The following KCNQ1OT1 variants were observed in gnomAD, a reference collection of about 807,000 sequenced individuals.
KCNQ1OT1 encodes KCNQ1 opposite strand/antisense transcript 1.
At chr11:2,667,689 G>A (rs1850105479) in exon 1 of KCNQ1OT1, 12 of 398,740 alleles carry the variant, frequency 3.0e-5, no homozygotes, top group Middle Eastern at 6.3e-4. Flanking sequence ...GAAGCACGGA[G>A]GTGACCTAGT....
exon 1 of KCNQ1OT1, chr11:2,675,726 C>T (rs1047661753): frequency 2.5e-6 from 1 of 398,688 alleles, no homozygotes; most frequent in Admixed American, 4.4e-5. Flanking sequence ...TGGAGCAGCC[C>T]CTGCTCCACA....
chr11:2,655,847 G>C, exon 1 of KCNQ1OT1: 1 of 398,630 alleles, frequency 2.5e-6, no homozygotes. Flanking sequence ...CTCTCCTCTT[G>C]AATTGGAAAA....
chr11:2,696,869 A>C (rs1850685709), exon 1 of KCNQ1OT1: 1 of 398,544 alleles, frequency 2.5e-6, no homozygotes, highest in Admixed American at 4.4e-5. Context: ...ATTGGCATAA[A>C]GAAATGTGGT....
chr11:2,658,050 A>G lies in KCNQ1OT1; in HGVS notation n.41945T>C, dbSNP rs1031063322. The G allele has an allele frequency of 2.5e-6, 1 of 398,616 alleles. No individual in the cohort carries two copies. The highest frequency in any genetic ancestry group is 4.4e-6 in the Non-Finnish European group (1 of 226,054). The allele number at this position is 398,616 out of a possible 1,614,324, so 24.7% of individuals were successfully genotyped here. A position where few individuals can be genotyped will look rare whatever the true frequency, so the allele number is the denominator to read the frequency against. ...AGTCTTTAGAAGCGAGTCACTAAGTATAGCCCACACTCAAGGTGGGGAAGG... is the reference window on the plus strand; with the variant it reads ...AGTCTTTAGAAGCGAGTCACTAAGTGTAGCCCACACTCAAGGTGGGGAAGG... On this transcript the variant is annotated non_coding_transcript_exon_variant, in exon 1 of 1. Coordinates refer to ENST00000597346, the Ensembl canonical transcript of KCNQ1OT1. This position sits in a 1 kb window ranked among gnomAD's most constrained non-coding sequence, Gnocchi z 4.9.
exon 1 of KCNQ1OT1, chr11:2,696,444 C>CT: frequency 2.5e-6 from 1 of 398,704 alleles, no homozygotes; most frequent in Non-Finnish European, 4.4e-6. Context: ...TTCTGGGCCT[C>CT]TGTCACCACA....
exon 1 of KCNQ1OT1, chr11:2,644,363 T>C (rs1849632983): frequency 5.0e-6 from 2 of 398,412 alleles, no homozygotes; most frequent in Non-Finnish European, 8.8e-6. Context: ...TGGTCTGTTA[T>C]TGAAGCTTTC....
At chr11:2,680,815 T>C (rs1590028191) in exon 1 of KCNQ1OT1, 3 of 228,442 alleles carry the variant, frequency 1.3e-5, no homozygotes, top group Non-Finnish European at 2.5e-5. Flanking sequence ...TGGAACCACA[T>C]AGCAAATCAC....
chr11:2,648,981 C>CTTTTTTTTTTTTTTTTTTTTTTTTTTTCT, exon 1 of KCNQ1OT1: 1 of 213,306 alleles, frequency 4.7e-6, no homozygotes, highest in African/African-American at 4.4e-5. Context: ...TTTTCTTTTT[C>CTTTTTTTTTTTTTTTTTTTTTTTTTTTCT]TTTTTTTTTT....
chr11:2,666,267 G>A (rs1850065364), exon 1 of KCNQ1OT1: 2 of 398,602 alleles, frequency 5.0e-6, no homozygotes, highest in East Asian at 7.1e-5. Context: ...GGACCCCCGA[G>A]GCTGGGCAGA....
chr11:2,613,975 C>T lies in KCNQ1OT1; in HGVS notation n.86020G>A. Reference sequence around the variant, plus strand: ...ACAACATCTCCTAGAAATCACTCAACATCCATTCACAGAGATCTTTCTCAT... The same window carrying T: ...ACAACATCTCCTAGAAATCACTCAATATCCATTCACAGAGATCTTTCTCAT... On this transcript the variant is annotated non_coding_transcript_exon_variant, in exon 1 of 1. Coordinates refer to ENST00000597346, the Ensembl canonical transcript of KCNQ1OT1. The surrounding 1 kb of genome is among the most constrained non-coding windows in gnomAD (Gnocchi z 4.8). The T allele has an allele frequency of 2.5e-6, 1 of 398,638 alleles. No homozygotes were observed. Among genetic ancestry groups the T allele is most frequent in the Non-Finnish European group, 4.4e-6 (1 of 226,072 alleles). The allele number at this position is 398,638 out of a possible 1,614,324, so 24.7% of individuals were successfully genotyped here.
chr11:2,692,802 T>G (rs12275726), exon 1 of KCNQ1OT1: 17 of 398,694 alleles, frequency 4.3e-5, no homozygotes, highest in African/African-American at 3.1e-4. Flanking sequence ...CTTGAATGAC[T>G]GCATCCCTAA....
Position 2,682,669 on chromosome 11 carries a change from A to G in KCNQ1OT1, n.17326T>C. The G allele has an allele frequency of 2.5e-6, 1 of 398,548 alleles. No individual in the cohort carries two copies. Among genetic ancestry groups the G allele is most frequent in the Non-Finnish European group, 4.4e-6 (1 of 226,080 alleles). 24.7% of individuals were successfully genotyped at this position (398,548 alleles called of 1,614,324 possible). A position where few individuals can be genotyped will look rare whatever the true frequency, so the allele number is the denominator to read the frequency against. ...TCCCCAGGGCTCATGTCCACATGCT[A>G]TTGTCCATAGAAGCTGGGGTCCAAA... On this transcript the variant is annotated non_coding_transcript_exon_variant, in exon 1 of 1. Coordinates refer to ENST00000597346, the Ensembl canonical transcript of KCNQ1OT1. The surrounding 1 kb of genome is among the most constrained non-coding windows in gnomAD (Gnocchi z 5.8).
chr11:2,662,912 G>A, exon 1 of KCNQ1OT1: 1 of 398,712 alleles, frequency 2.5e-6, no homozygotes, highest in Non-Finnish European at 4.4e-6. Context: ...GGGGTCAGGA[G>A]GTTGTCCTGA....
chr11:2,618,336 T>TC, exon 1 of KCNQ1OT1: 1 of 398,592 alleles, frequency 2.5e-6, no homozygotes, highest in Non-Finnish European at 4.4e-6. Flanking sequence ...TTCAATGTTT[T>TC]AACAAAGTTT....
In KCNQ1OT1 at chr11:2,690,756, A is replaced by C; in HGVS notation, n.9239T>G. The C allele has an allele frequency of 2.5e-6, 1 of 398,638 alleles. No homozygotes were observed. The highest frequency in any genetic ancestry group is 4.4e-6 in the Non-Finnish European group (1 of 226,086). 24.7% of individuals were successfully genotyped at this position (398,638 alleles called of 1,614,324 possible). ...GATGGAGTATGATCCCAAATCCCTT[A>C]GGTGGATGTGGCCTGGCAGGGGGTC... On this transcript the variant is annotated non_coding_transcript_exon_variant, in exon 1 of 1. Transcript: ENST00000597346. This position sits in a 1 kb window ranked among gnomAD's most constrained non-coding sequence, Gnocchi z 5.1.
exon 1 of KCNQ1OT1, chr11:2,615,398 T>C: frequency 2.5e-6 from 1 of 398,108 alleles, no homozygotes; most frequent in Admixed American, 4.4e-5. Flanking sequence ...TGTTTGTTTA[T>C]TTATCTGCCT....
chr11:2,655,707 C>G, exon 1 of KCNQ1OT1: 1 of 395,868 alleles, frequency 2.5e-6, no homozygotes, highest in South Asian at 1.3e-4. Flanking sequence ...CCTCCATGCT[C>G]TCCTAGATGC....
chr11:2,618,315 A>G (rs1052699475), exon 1 of KCNQ1OT1: 1 of 398,500 alleles, frequency 2.5e-6, no homozygotes, highest in Non-Finnish European at 4.4e-6. Context: ...GGCTAAAAAA[A>G]TGCAAAAAAA....
chr11:2,698,299 C>T lies in KCNQ1OT1; in HGVS notation n.1696G>A, dbSNP rs1449489113. On this transcript the variant is annotated non_coding_transcript_exon_variant, in exon 1 of 1. Coordinates refer to ENST00000597346, the Ensembl canonical transcript of KCNQ1OT1. This position sits in a 1 kb window ranked among gnomAD's most constrained non-coding sequence, Gnocchi z 5.1. Reference sequence around the variant, plus strand: ...AACTATTCTACCTGGATGAATTATTCTCTTTCATAACCAGAACAGTGCTGT... The same window carrying T: ...AACTATTCTACCTGGATGAATTATTTTCTTTCATAACCAGAACAGTGCTGT... The T allele has an allele frequency of 2.5e-6, 1 of 398,532 alleles. No homozygotes were observed. Among genetic ancestry groups the T allele is most frequent in the Non-Finnish European group, 4.4e-6 (1 of 226,080 alleles). The allele number at this position is 398,532 out of a possible 1,614,324, so 24.7% of individuals were successfully genotyped here. A position where few individuals can be genotyped will look rare whatever the true frequency, so the allele number is the denominator to read the frequency against.
Sources: allele counts gnomAD v4.1 joint callset, GRCh38; gene constraint gnomAD v4.1.1; non-coding constraint Gnocchi (gnomAD v3.1); transcripts MANE v1.5; gene names NCBI Gene and HGNC (gene_info 2026-07-23, HGNC 2026-07-21).